The following CEP135 variants were observed in gnomAD, a reference collection of about 807,000 sequenced individuals.
CEP135 encodes centrosomal protein 135.
Under a neutral mutation model 157.3 loss-of-function variants are expected in CEP135, and 142 were observed. That is an observed-to-expected ratio of 0.90 (90% CI 0.79 to 1.04). The LOEUF (loss-of-function observed/expected upper bound fraction) is 1.04, where lower values mean the gene tolerates loss of function less well. CEP135 is among the 50% of genes least tolerant of loss of function. The pLI is 0.00. For missense variants in CEP135, 1,317 were observed against 1,309.2 expected (o/e 1.01, Z -0.09); for synonymous variants, 396 against 439.8 (o/e 0.90, Z 1.25).
In CEP135 at chr4:55,998,903, A is replaced by G. The variant is rs1201234851; in HGVS notation, c.2010-399A>G. Among the ~76,000 whole-genome samples the G allele has an allele frequency of 5.3e-5, 8 of 152,304 alleles. 1 individual carries two copies. Among genetic ancestry groups the G allele is most frequent in the African/African-American group, 1.9e-4 (8 of 41,578 alleles). Reference sequence around the variant, plus strand: ...AAAGAGCTCACTGGTTGAGATGGTTAGGATTTATGGCTAGTGCTTTGAAAT... The same window carrying G: ...AAAGAGCTCACTGGTTGAGATGGTTGGGATTTATGGCTAGTGCTTTGAAAT... On this transcript the variant is annotated intron_variant, in intron 15 of 25. Coordinates refer to ENST00000257287, the MANE Select transcript of CEP135 (RefSeq NM_025009.5).
chr4:55,997,774 T>C (rs1379425036), intron 15 of CEP135, among the ~76,000 whole-genome samples: 1 of 152,200 alleles, frequency 6.6e-6, no homozygotes, highest in Non-Finnish European at 1.5e-5. Flanking sequence ...GTTCTAGGAA[T>C]AAATGAGCTA....
At chr4:55,982,193 G>A (rs1203453260) in intron 13 of CEP135, among the ~76,000 whole-genome samples, 1 of 152,132 alleles carries the variant, frequency 6.6e-6, no homozygotes, top group Non-Finnish European at 1.5e-5. Context: ...CATATAAATT[G>A]AATCACTCGA....
At chr4:56,021,814 C>A (rs1438937230) in intron 24 of CEP135, among the ~76,000 whole-genome samples, 1 of 152,086 alleles carries the variant, frequency 6.6e-6, no homozygotes, top group East Asian at 1.9e-4. Context: ...TTACTTGAGC[C>A]CACGAGTTTG....
Position 55,964,321 on chromosome 4 carries a change from T to A in CEP135, c.747T>A (p.Asp249Glu), listed in dbSNP as rs777274487. The A allele has an allele frequency of 6.2e-7, 1 of 1,613,556 alleles. No individual in the cohort carries two copies. The highest frequency in any genetic ancestry group is 1.1e-5 in the South Asian group (1 of 91,020). The change falls in exon 7 of 26, where the codon GAT becomes GAA. Residue 249 changes from aspartate to glutamate, a missense_variant. Asp to Glu is a conservative substitution (Grantham distance 45, BLOSUM62 2). Transcript: ENST00000257287. ...TAGAACGACTGTCAGTTGCTTTGGA[T>A]GGTGGTCGGTCCCCTGATGTCCTTT... ...REIERLSVAL[D>E]GGRSPDVLSL...
In CEP135 at chr4:56,009,663, A is replaced by G. The variant is rs2611824; in HGVS notation, c.2337-72A>G. 0.045 allele frequency: 61,287 copies of G among 1,347,186 alleles called. 1,888 individuals carry two copies. The highest frequency in any genetic ancestry group is 0.11 in the African/African-American group (7,528 of 67,114). The allele number at this position is 1,347,186 out of a possible 1,614,324, so 83.5% of individuals were successfully genotyped here. ...TTTGTATTCTAAGTATACTTAGACT[A>G]TAAGTTTTCTTTTAAATGAACTACA... On this transcript the variant is annotated intron_variant, in intron 18 of 25. Coordinates refer to ENST00000257287, the MANE Select transcript of CEP135 (RefSeq NM_025009.5).
chr4:55,959,812 C>A, intron 6 of CEP135, 46 bp downstream of exon 6: 1 of 1,388,886 alleles, frequency 7.2e-7, no homozygotes, highest in Non-Finnish European at 1.0e-6. Flanking sequence ...GATAGGTATG[C>A]TGTGATTGTA....
At chr4:55,958,886 A>T (rs2702350) in intron 5 of CEP135, among the ~76,000 whole-genome samples, 9,228 of 152,190 alleles carry the variant, frequency 0.061, 383 homozygotes, top group African/African-American at 0.1. Context: ...GGAGTTCAAG[A>T]CCAGCTTCGA....
At chr4:56,022,027 C>CA (rs1394692391) in intron 24 of CEP135, among the ~76,000 whole-genome samples, 7 of 151,934 alleles carry the variant, frequency 4.6e-5, no homozygotes, top group Admixed American at 4.6e-4. Context: ...AACCCTGTCT[C>CA]AAAAAACAAA....
chr4:56,015,406 C>G (rs992220566), intron 21 of CEP135, among the ~76,000 whole-genome samples: 7 of 152,200 alleles, frequency 4.6e-5, no homozygotes, highest in Admixed American at 4.6e-4. Flanking sequence ...TGGCTACCAC[C>G]ACAAGCCCAG....
At chr4:55,949,631 G>T (rs1387606956) in intron 1 of CEP135, among the ~76,000 whole-genome samples, 1 of 152,164 alleles carries the variant, frequency 6.6e-6, no homozygotes, top group African/African-American at 2.4e-5. Context: ...CATACATACA[G>T]CATTAAATGT....
intron 7 of CEP135, chr4:55,964,760 T>C: frequency 6.5e-6 from 1 of 153,580 alleles, no homozygotes; most frequent in East Asian, 1.9e-4. Context: ...AAAGCTTATC[T>C]TTCTGTGGTG....
intron 9 of CEP135, among the ~76,000 whole-genome samples, 188 bp from the exon 10 acceptor site, chr4:55,971,082 T>C (rs1215081460): frequency 6.6e-6 from 1 of 152,242 alleles, no homozygotes; most frequent in East Asian, 1.9e-4. Flanking sequence ...GCATTGTTGA[T>C]ATTTGTGTTT....
rs1306490337 is a variant in CEP135, at chr4:56,011,488, AG to A, written c.2584del (p.Val862CysfsTer7). ...AGCAGAGTTCATAAATACATAACAG[AG>A]GTGTCACGATGGGAGAGCTTAATGG... ...MKSRVHKYIT[E>X]VSRWESLMAA... is the part of the protein sequence containing the mutation. On this transcript the variant is annotated frameshift_variant, in exon 20 of 26. Transcript: ENST00000257287. LOFTEE classifies it high-confidence loss of function. 2 of 1,612,178 alleles carry A rather than the reference AG, an allele frequency of 1.2e-6. No homozygotes were observed. Among genetic ancestry groups the A allele is most frequent in the Non-Finnish European group, 8.5e-7 (1 of 1,179,448 alleles).
intron 2 of CEP135, 72 bp downstream of exon 2, chr4:55,952,315 G>T: frequency 1.1e-6 from 1 of 884,908 alleles, no homozygotes; most frequent in Non-Finnish European, 1.8e-6. Context: ...TGAACTTCAT[G>T]CTTTGGTAAA....
chr4:55,991,851 G>A (rs1030907320), intron 14 of CEP135, 83 bp from the exon 15 acceptor site: 22 of 699,618 alleles, frequency 3.1e-5, no homozygotes, highest in East Asian at 1.3e-4. Flanking sequence ...GTTTTCTTCC[G>A]GAAATATTAT....
intron 15 of CEP135, among the ~76,000 whole-genome samples, chr4:55,993,552 A>G (rs1480208533): frequency 6.6e-6 from 1 of 152,164 alleles, no homozygotes; most frequent in Non-Finnish European, 1.5e-5. Flanking sequence ...GTGAGAGGAG[A>G]GCTGAATGGA....
intron 19 of CEP135, 127 bp from the exon 20 acceptor site, chr4:56,011,285 T>C (rs1730572829): frequency 1.6e-6 from 1 of 631,656 alleles, no homozygotes; most frequent in Non-Finnish European, 2.7e-6. Context: ...AAAATAACAC[T>C]TAGGAACAGT....
At chr4:55,994,895 A>C (rs1200158276) in intron 15 of CEP135, among the ~76,000 whole-genome samples, 1 of 152,104 alleles carries the variant, frequency 6.6e-6, no homozygotes, top group African/African-American at 2.4e-5. Context: ...CATGTTGGCC[A>C]GGCTGGTCTC....
chr4:55,950,365 G>A (rs753059804), intron 1 of CEP135, among the ~76,000 whole-genome samples: 1 of 152,208 alleles, frequency 6.6e-6, no homozygotes, highest in Admixed American at 6.5e-5. Context: ...GCTCATGCAT[G>A]TAATGCATTT....
Sources: allele counts gnomAD v4.1 joint callset (sites outside exome capture counted in the v4.1 genomes callset), GRCh38; gene constraint gnomAD v4.1.1; transcripts MANE v1.5; gene names NCBI Gene and HGNC (gene_info 2026-07-23, HGNC 2026-07-21).